Variants in NANS observed in about 807,000 individuals in gnomAD.
NANS encodes the protein N-acetylneuraminate-9-phosphate synthase.
Under a neutral mutation model 33.3 loss-of-function variants are expected in NANS, and 29 were observed. That is an observed-to-expected ratio of 0.87 (90% CI 0.65 to 1.19). The LOEUF is 1.19. Among genes scored for constraint, NANS ranks in the 50% most tolerant of loss-of-function variants. NANS has a pLI of 0.00. For missense variants in NANS, 394 were observed against 461.1 expected, an observed-to-expected ratio of 0.85 and a Z score of 1.33; for synonymous variants, 163 against 177.2, an observed-to-expected ratio of 0.92 and a Z score of 0.64.
intron 2 of NANS, among the ~76,000 whole-genome samples, chr9:98,070,610 G>A (rs1829297505): frequency 6.6e-6 from 1 of 151,606 alleles, no homozygotes; most frequent in Non-Finnish European, 1.5e-5. Flanking sequence ...TAGTAGAGAT[G>A]AGGTTTTACC....
intron 2 of NANS, among the ~76,000 whole-genome samples, chr9:98,071,427 C>G (rs7021059): frequency 6.6e-6 from 1 of 152,232 alleles, no homozygotes; most frequent in Non-Finnish European, 1.5e-5. Context: ...GTTATTTAAC[C>G]TTTTTGTGCC....
intron 1 of NANS, among the ~76,000 whole-genome samples, chr9:98,058,356 A>G (rs1216923741): frequency 1.3e-5 from 2 of 152,314 alleles, no homozygotes; most frequent in East Asian, 3.9e-4. Flanking sequence ...GCACCATCTC[A>G]TTTAATTTTT....
At chr9:98,065,293 T>TA (rs1829104176) in intron 2 of NANS, among the ~76,000 whole-genome samples, 3 of 149,920 alleles carry the variant, frequency 2.0e-5, no homozygotes, top group Admixed American at 6.6e-5. Flanking sequence ...TTTAAAGTGT[T>TA]AGTCACTCCT....
chr9:98,070,158 C>T (rs140710211), intron 2 of NANS, among the ~76,000 whole-genome samples: 2,073 of 152,316 alleles, frequency 0.014, 45 homozygotes, highest in African/African-American at 0.047. Flanking sequence ...CTTGCTGTCA[C>T]GCAGGCTGGA....
chr9:98,063,266 CAG>C (rs1450471369), intron 2 of NANS, among the ~76,000 whole-genome samples: 2 of 149,802 alleles, frequency 1.3e-5, no homozygotes, highest in Admixed American at 1.3e-4. Flanking sequence ...TGTTTTGAGA[CAG>C]AGTCTCACTG....
In NANS at chr9:98,073,271, C is replaced by CTTTTTT. The variant is rs10606237; in HGVS notation, c.349-3621_349-3616dup. On this transcript the variant is annotated intron_variant, in intron 2 of 5. Coordinates refer to ENST00000210444, the MANE Select transcript of NANS (RefSeq NM_018946.4). ...GTTCTCCCCAGCTCATCACCATGGGCTTTTTTTTTTTTTTTTTTTTTTTTT... is the reference window on the plus strand; with the variant it reads ...GTTCTCCCCAGCTCATCACCATGGGCTTTTTTTTTTTTTTTTTTTTTTTTTTTTTTT... Among the ~76,000 whole-genome samples, 111 of 57,844 alleles carry CTTTTTT rather than the reference C, an allele frequency of 1.9e-3. 12 individuals carry two copies. Among genetic ancestry groups the CTTTTTT allele is most frequent in the Non-Finnish European group, 2.8e-3 (96 of 33,706 alleles). The allele number at this position is 57,844 out of a possible 152,430, so 37.9% of individuals were successfully genotyped here. A position where few individuals can be genotyped will look rare whatever the true frequency, so the allele number is the denominator to read the frequency against.
chr9:98,078,090 T>G, intron 3 of NANS, 103 bp from the exon 4 acceptor site: 3 of 1,521,492 alleles, frequency 2.0e-6, no homozygotes, highest in Non-Finnish European at 2.7e-6. Flanking sequence ...AAGAGATGTC[T>G]GTGGAGTTCA....
chr9:98,057,922 G>GTTTTTTTTT (rs35104052), intron 1 of NANS, among the ~76,000 whole-genome samples: 11 of 78,088 alleles, frequency 1.4e-4, no homozygotes, highest in Admixed American at 2.0e-4. Flanking sequence ...TTTTTTCCTG[G>GTTTTTTTTT]TTTTTTTTTT....
intron 2 of NANS, among the ~76,000 whole-genome samples, chr9:98,070,505 C>T (rs1829293433): frequency 6.6e-6 from 1 of 152,222 alleles, no homozygotes; most frequent in Admixed American, 6.5e-5. Context: ...ACTGCAACTT[C>T]TGCCTCCTGG....
intron 2 of NANS, among the ~76,000 whole-genome samples, chr9:98,067,985 G>A (rs564676446): frequency 5.9e-5 from 9 of 151,988 alleles, no homozygotes; most frequent in Admixed American, 2.0e-4. Context: ...GCCTCCCAAA[G>A]TGCTGGGATT....
intron 1 of NANS, among the ~76,000 whole-genome samples, chr9:98,060,533 C>T (rs769805946): frequency 1.1e-4 from 16 of 151,968 alleles, no homozygotes; most frequent in Non-Finnish European, 2.1e-4. Flanking sequence ...AGCCGGGTGT[C>T]GTGGTGGGTG....
rs397837187 is a variant in NANS at position 98,065,483 on chromosome 9, A to ATTTT, written c.348+4510_348+4513dup. ...AGGCGTCCACCACCATGCCCAGCTA[A>ATTTT]TTTTTTTTTTTTTTTTTTTTTTTTT... On this transcript the variant is annotated intron_variant, in intron 2 of 5. Coordinates refer to ENST00000210444, the MANE Select transcript of NANS (RefSeq NM_018946.4). Among the ~76,000 whole-genome samples, 207 of 58,618 alleles carry ATTTT rather than the reference A, an allele frequency of 3.5e-3. 22 individuals carry two copies. Among genetic ancestry groups the ATTTT allele is most frequent in the Middle Eastern group, 0.012 (1 of 82 alleles). 38.5% of individuals were successfully genotyped at this position (58,618 alleles called of 152,430 possible). A position where few individuals can be genotyped will look rare whatever the true frequency, so the allele number is the denominator to read the frequency against.
chr9:98,076,782 C>A, intron 2 of NANS, 136 bp from the exon 3 acceptor site: 1 of 657,356 alleles, frequency 1.5e-6, no homozygotes, highest in Non-Finnish European at 2.6e-6. Flanking sequence ...CAAATCTTTG[C>A]CTGCTTTCAA....
At chr9:98,058,884 T>C (rs1369610266) in intron 1 of NANS, among the ~76,000 whole-genome samples, 10 of 152,170 alleles carry the variant, frequency 6.6e-5, no homozygotes, top group Non-Finnish European at 1.5e-5. Context: ...ATCTAGACAA[T>C]GAGAGCTCTG....
At chr9:98,059,929 G>A (rs1828929077) in intron 1 of NANS, among the ~76,000 whole-genome samples, 1 of 152,160 alleles carries the variant, frequency 6.6e-6, no homozygotes. Flanking sequence ...CAGAGAAAGA[G>A]GCATAGGGCA....
intron 2 of NANS, among the ~76,000 whole-genome samples, chr9:98,072,530 C>T (rs1464765619): frequency 2.0e-5 from 3 of 151,962 alleles, no homozygotes; most frequent in Non-Finnish European, 2.9e-5. Context: ...TCTGCCTCAG[C>T]CTCCCGAGTA....
chr9:98,071,950 G>C (rs1358290204), intron 2 of NANS, among the ~76,000 whole-genome samples: 1 of 152,218 alleles, frequency 6.6e-6, no homozygotes. Context: ...AGGTGGCATC[G>C]GTTGAGAACC....
chr9:98,063,035 G>A (rs1382182993), intron 2 of NANS, among the ~76,000 whole-genome samples: 5 of 150,090 alleles, frequency 3.3e-5, no homozygotes, highest in African/African-American at 1.2e-4. Flanking sequence ...CTCCCAGGTT[G>A]AAGCGATTCT....
chr9:98,081,542 C>T (rs535869504), intron 5 of NANS: 5 of 161,408 alleles, frequency 3.1e-5, no homozygotes, highest in South Asian at 1.7e-4. Context: ...GGCAGTGAGT[C>T]GTTGCAGAGG....
Sources: gnomAD v4.1 joint callset for allele counts (sites outside exome capture counted in the v4.1 genomes callset) on GRCh38, gnomAD v4.1.1 for gene constraint, MANE v1.5 for transcripts, NCBI Gene and HGNC (gene_info 2026-07-23, HGNC 2026-07-21) for gene names.